PRKCE: variants seen among roughly 807,000 people sequenced by gnomAD.
PRKCE encodes the protein protein kinase C epsilon type.
Under a neutral mutation model 85.4 loss-of-function variants are expected in PRKCE, and 16 were observed. The ratio of observed to expected loss-of-function variants is 0.19; its 90% CI spans 0.13 to 0.28. PRKCE has a LOEUF of 0.28. Ranked by LOEUF, PRKCE falls within the 10% of genes least tolerant of loss-of-function variation. PRKCE has a pLI of 1.00. For synonymous variants in PRKCE, 388 were observed against 371.5 expected, an observed-to-expected ratio of 1.04 and a Z score of -0.51; for missense variants, 573 against 975.2, an observed-to-expected ratio of 0.59 and a Z score of 5.49.
At chr2:46,044,833 G>A (rs895417768) in intron 10 of PRKCE, among the ~76,000 whole-genome samples, 19 of 152,210 alleles carry the variant, frequency 1.2e-4, no homozygotes, top group Non-Finnish European at 1.3e-4. Flanking sequence ...GTGCCCAGGG[G>A]CCCTCAGCTC....
At chr2:45,746,822 T>G (rs1380601419) in intron 1 of PRKCE, among the ~76,000 whole-genome samples, 1 of 152,200 alleles carries the variant, frequency 6.6e-6, no homozygotes, top group Admixed American at 6.5e-5. Flanking sequence ...GCTTCTTCTC[T>G]CCAAGGACAC....
intron 2 of PRKCE, among the ~76,000 whole-genome samples, chr2:45,847,000 G>A (rs894095185): frequency 2.6e-5 from 4 of 152,194 alleles, no homozygotes; most frequent in Admixed American, 2.6e-4. Context: ...GGTTTCTGAC[G>A]CTGGGGTGGG....
chr2:45,722,200 A>AT (rs1263653140), intron 1 of PRKCE, among the ~76,000 whole-genome samples: 1 of 152,084 alleles, frequency 6.6e-6, no homozygotes, highest in Non-Finnish European at 1.5e-5. Context: ...ACTGTTGTTT[A>AT]TTTTTTGCAA....
At chr2:46,013,425 C>T (rs1475684964) in intron 10 of PRKCE, among the ~76,000 whole-genome samples, 1 of 152,058 alleles carries the variant, frequency 6.6e-6, no homozygotes, top group East Asian at 1.9e-4. Flanking sequence ...AGTATTCAAA[C>T]CAAGAAGACT....
At chr2:45,878,091 G>T (rs939042131) in intron 2 of PRKCE, among the ~76,000 whole-genome samples, 1 of 152,214 alleles carries the variant, frequency 6.6e-6, no homozygotes, top group Non-Finnish European at 1.5e-5. Flanking sequence ...CATCTCCTTG[G>T]CTGCAGCACC....
rs191901442 is a variant in PRKCE, at chr2:46,048,018, C to G, written c.1437+37501C>G. 1.6e-4 allele frequency among the ~76,000 whole-genome samples: 25 copies of G among 152,270 alleles called. No homozygotes were observed. In the East Asian group the frequency reaches 2.5e-3, roughly 15 times the overall value. On this transcript the variant is annotated intron_variant, in intron 10 of 14. Transcript: ENST00000306156. The stretch of plus-strand genomic sequence containing the variant: ...GACTAACTCACATATTAATTATCAT[C>G]AATAGTTATCAAACCAGTGTATTTT...
At chr2:45,842,412 C>T (rs188259404) in intron 1 of PRKCE, among the ~76,000 whole-genome samples, 62 of 152,242 alleles carry the variant, frequency 4.1e-4, no homozygotes, top group Admixed American at 2.0e-3. Context: ...AGATGATAAA[C>T]GCCATAAAAG....
chr2:45,870,822 T>C (rs116655365), intron 2 of PRKCE, among the ~76,000 whole-genome samples: 2,160 of 152,310 alleles, frequency 0.014, 16 homozygotes, highest in African/African-American at 0.024. Flanking sequence ...TCGCTTGTAG[T>C]GGTCAAACGA....
intron 10 of PRKCE, among the ~76,000 whole-genome samples, chr2:46,080,683 T>G (rs1668987270): frequency 6.6e-6 from 1 of 152,222 alleles, no homozygotes; most frequent in Non-Finnish European, 1.5e-5. Context: ...AGATTTTGTT[T>G]GAGCACCTCC....
intron 10 of PRKCE, among the ~76,000 whole-genome samples, chr2:46,022,358 G>T (rs568738697): frequency 1.3e-5 from 2 of 152,298 alleles, no homozygotes; most frequent in Admixed American, 1.3e-4. Context: ...TGGGAAATAC[G>T]CATGGTATCA....
chr2:45,687,088 A>G (rs1677353269), intron 1 of PRKCE, among the ~76,000 whole-genome samples: 1 of 152,126 alleles, frequency 6.6e-6, no homozygotes, highest in Admixed American at 6.5e-5. Flanking sequence ...AAAGAGAGAG[A>G]TTGATATATT....
intron 1 of PRKCE, among the ~76,000 whole-genome samples, chr2:45,719,225 C>T (rs1398804311): frequency 2.0e-5 from 3 of 152,208 alleles, no homozygotes; most frequent in Admixed American, 6.5e-5. Context: ...ACTCCCCAGC[C>T]CTACCCCAGC....
At chr2:45,814,946 T>C (rs1688923798) in intron 1 of PRKCE, among the ~76,000 whole-genome samples, 1 of 152,134 alleles carries the variant, frequency 6.6e-6, no homozygotes, top group African/African-American at 2.4e-5. Context: ...AACAAGGTGT[T>C]GGTTTGGGTG....
intron 1 of PRKCE, among the ~76,000 whole-genome samples, chr2:45,744,061 C>A (rs888590974): frequency 6.7e-6 from 1 of 149,800 alleles, no homozygotes; most frequent in African/African-American, 2.5e-5. Context: ...GCAGAGAGTA[C>A]TGGGTTCAAA....
At chr2:46,095,671 C>T (rs138019246) in intron 11 of PRKCE, among the ~76,000 whole-genome samples, 1 of 152,314 alleles carries the variant, frequency 6.6e-6, no homozygotes, top group African/African-American at 2.4e-5. Flanking sequence ...ATTCAGTTTT[C>T]TTGGATCTAC....
chr2:45,985,025 A>T (rs1703198182), intron 6 of PRKCE, among the ~76,000 whole-genome samples: 1 of 152,192 alleles, frequency 6.6e-6, no homozygotes, highest in Non-Finnish European at 1.5e-5. Context: ...GAGTTAGGCC[A>T]TGAAGGAAGT....
At chr2:45,790,462 C>T (rs1044855425) in intron 1 of PRKCE, among the ~76,000 whole-genome samples, 3 of 152,182 alleles carry the variant, frequency 2.0e-5, no homozygotes, top group Non-Finnish European at 4.4e-5. Context: ...GTTATCAGAG[C>T]GTAGAGCAAG....
intron 2 of PRKCE, among the ~76,000 whole-genome samples, chr2:45,972,457 G>T (rs1164404265): frequency 6.6e-6 from 1 of 152,160 alleles, no homozygotes; most frequent in African/African-American, 2.4e-5. Context: ...CTGTGCAGAA[G>T]CTTTTTAGTT....
At chr2:45,797,455 T>A (rs1356760640) in intron 1 of PRKCE, among the ~76,000 whole-genome samples, 1 of 152,250 alleles carries the variant, frequency 6.6e-6, no homozygotes, top group Non-Finnish European at 1.5e-5. Context: ...CCTGTTCACT[T>A]GCAGAAGTGC....
Sources: allele counts gnomAD v4.1 joint callset (sites outside exome capture counted in the v4.1 genomes callset), GRCh38; gene constraint gnomAD v4.1.1; transcripts MANE v1.5; gene names NCBI Gene and HGNC (gene_info 2026-07-23, HGNC 2026-07-21).